WNK2: variants seen among roughly 807,000 people sequenced by gnomAD.
WNK2 encodes serine/threonine-protein kinase WNK2.
WNK2 carries 67 observed loss-of-function variants against 192.1 expected under a neutral mutation model. The ratio of observed to expected loss-of-function variants is 0.35; its 90% CI spans 0.29 to 0.43. The LOEUF is 0.43. WNK2 is among the 20% of genes least tolerant of loss of function. The probability of loss-of-function intolerance (pLI) is 1.00; values close to 1 mark genes in which losing one functional copy is unlikely to be tolerated. For missense variants in WNK2, 2,698 were observed against 3,089.7 expected, an observed-to-expected ratio of 0.87 and a Z score of 3.01; for synonymous variants, 1,439 against 1,393.9, an observed-to-expected ratio of 1.03 and a Z score of -0.72.
In WNK2 at chr9:93,239,660, G is replaced by T; in HGVS notation, c.1323-97G>T. On this transcript the variant is annotated intron_variant, in intron 6 of 29. Coordinates refer to ENST00000427277, the MANE Select transcript of WNK2 (RefSeq NM_006648.4). This position sits in a 1 kb window ranked among gnomAD's most constrained non-coding sequence, Gnocchi z 4.2. ...TGAGGCCTGGCCTCAGGCTCCTGCA[G>T]GTGTGCCTGTCCTTGTCCTGGTGCG... The T allele has an allele frequency of 1.8e-6, 2 of 1,088,464 alleles. No individual in the cohort carries two copies. The highest frequency in any genetic ancestry group is 2.4e-5 in the Admixed American group (1 of 41,542). 67.4% of individuals were successfully genotyped at this position (1,088,464 alleles called of 1,614,324 possible).
chr9:93,256,407 AC>A lies in WNK2; in HGVS notation c.2148del (p.Met717CysfsTer59). The A allele has an allele frequency of 1.9e-6, 3 of 1,544,342 alleles. No homozygotes were observed. Among genetic ancestry groups the A allele is most frequent in the Admixed American group, 1.9e-5 (1 of 52,388 alleles). On this transcript the variant is annotated frameshift_variant, in exon 10 of 30. Coordinates refer to ENST00000427277, the MANE Select transcript of WNK2 (RefSeq NM_006648.4). LOFTEE classifies it high-confidence loss of function. ...SFAPVLPPPSTPMPTGPGQPA... is the reference protein window; with the variant it reads ...SFAPVLPPPSXPMPTGPGQPA... ...CGCCCCCGTGCTGCCGCCGCCCAGC[AC>A]CCCCATGCCCACGGGCCCAGGCCAG...
intron 26 of WNK2, among the ~76,000 whole-genome samples, chr9:93,304,920 T>C (rs930569505): frequency 1.3e-5 from 2 of 152,126 alleles, no homozygotes; most frequent in Non-Finnish European, 2.9e-5. Context: ...GGCCCAAGTT[T>C]AGGAAGGGCC....
intron 2 of WNK2, among the ~76,000 whole-genome samples, chr9:93,213,657 CGCAT>C (rs766936219): frequency 2.0e-5 from 3 of 152,066 alleles, no homozygotes; most frequent in Admixed American, 2.0e-4. Context: ...GGCATGGTGG[CGCAT>C]GCCTGTAATC....
At position 93,297,905 on chromosome 9, in the gene WNK2, G is replaced by T; in HGVS notation, c.5761G>T (p.Ala1921Ser). Reference protein sequence around the residue: ...LQSQQKQEIEALYRRLGKPLP... With the variant: ...LQSQQKQEIESLYRRLGKPLP... ...GAGCCAGCAGAAGCAGGAGATCGAA[G>T]CTCTGTACCGCCGCCTGGGCAAGCC... Residue 1921 changes from alanine (A) to serine (S), a missense_variant, in exon 24 of 30, where the codon GCT becomes TCT. By Grantham distance (99) the Ala-to-Ser change is moderately conservative. Coordinates refer to ENST00000427277, the MANE Select transcript of WNK2 (RefSeq NM_006648.4). 1 of 1,592,650 alleles carries T rather than the reference G, an allele frequency of 6.3e-7. No homozygotes were observed. Among genetic ancestry groups the T allele is most frequent in the Admixed American group, 1.7e-5 (1 of 57,190 alleles).
At chr9:93,213,947 C>G (rs2131609803) in intron 2 of WNK2, among the ~76,000 whole-genome samples, 1 of 152,314 alleles carries the variant, frequency 6.6e-6, no homozygotes, top group Non-Finnish European at 1.5e-5. Flanking sequence ...TCTTCTTACC[C>G]ACCCCTGCTT....
intron 4 of WNK2, 95 bp downstream of exon 4, chr9:93,231,203 C>T: frequency 8.1e-7 from 1 of 1,228,878 alleles, no homozygotes; most frequent in South Asian, 1.3e-5. Context: ...AGACCTGGTG[C>T]AGGAGACCCA....
chr9:93,184,838 C>T (rs1828985816), intron 1 of WNK2, 90 bp from the exon 2 acceptor site: 2 of 1,127,434 alleles, frequency 1.8e-6, no homozygotes, highest in Admixed American at 4.5e-5. Context: ...GGGCAGGTTG[C>T]GGGCTTAGGG....
chr9:93,302,976 C>T (rs1851875594), intron 26 of WNK2, among the ~76,000 whole-genome samples: 2 of 151,926 alleles, frequency 1.3e-5, no homozygotes, highest in South Asian at 4.2e-4. Flanking sequence ...TGGAGTGCAG[C>T]GGCAAGATCT....
chr9:93,255,760 C>G (rs2132731312), intron 9 of WNK2, among the ~76,000 whole-genome samples: 1 of 152,316 alleles, frequency 6.6e-6, no homozygotes, highest in African/African-American at 2.4e-5. Context: ...GAACAAAGCC[C>G]AATTCCATTA....
At chr9:93,209,247 CT>C (rs1304814957) in intron 2 of WNK2, among the ~76,000 whole-genome samples, 7 of 152,178 alleles carry the variant, frequency 4.6e-5, no homozygotes, top group African/African-American at 1.7e-4. Flanking sequence ...TCTCCTGGGG[CT>C]GTACGCCACA....
chr9:93,219,214 C>T (rs1107614), intron 2 of WNK2, among the ~76,000 whole-genome samples: 23,646 of 152,308 alleles, frequency 0.16, 1,909 homozygotes, highest in South Asian at 0.28. Context: ...CTTTCTGAGC[C>T]GTTTCCCCTA....
intron 29 of WNK2, chr9:93,319,182 A>G: frequency 6.2e-7 from 1 of 1,613,696 alleles, no homozygotes; most frequent in Non-Finnish European, 8.5e-7. Flanking sequence ...TATCTGAAGG[A>G]GAAAAATAAA....
chr9:93,209,643 C>T (rs940408750), intron 2 of WNK2, among the ~76,000 whole-genome samples: 2 of 152,132 alleles, frequency 1.3e-5, no homozygotes, highest in African/African-American at 4.8e-5. Flanking sequence ...CAGGGCTGTG[C>T]TTGGGTGGAA....
intron 2 of WNK2, among the ~76,000 whole-genome samples, chr9:93,192,040 G>T (rs542268151): frequency 6.6e-6 from 1 of 151,020 alleles, no homozygotes; most frequent in South Asian, 2.1e-4. Flanking sequence ...AAAAGGCCAG[G>T]CGTGGTGGCT....
In WNK2 at chr9:93,211,871, C is replaced by T. The variant is rs1024941803; in HGVS notation, c.682-17825C>T. On this transcript the variant is annotated intron_variant, in intron 2 of 29. Coordinates refer to ENST00000427277, the MANE Select transcript of WNK2 (RefSeq NM_006648.4). ...ACACATTCCCTCACTCATACATTCACTCATTCACACACTCACACATTTACT... is the reference window on the plus strand; with the variant it reads ...ACACATTCCCTCACTCATACATTCATTCATTCACACACTCACACATTTACT... Among the ~76,000 whole-genome samples, 4 of 150,928 alleles carry T rather than the reference C, an allele frequency of 2.7e-5. No homozygotes were observed. In the South Asian group the frequency reaches 8.3e-4, roughly 31 times the overall value.
At chr9:93,281,369 A>C in intron 19 of WNK2, among the ~76,000 whole-genome samples, 1 of 62,912 alleles carries the variant, frequency 1.6e-5, no homozygotes, top group East Asian at 0.026. Context: ...ATTAGAAACT[A>C]TGCCAAAAAA....
intron 28 of WNK2, among the ~76,000 whole-genome samples, chr9:93,314,521 T>C (rs918837506): frequency 2.0e-5 from 3 of 152,178 alleles, no homozygotes; most frequent in African/African-American, 7.2e-5. Context: ...CACGCTTTTT[T>C]CTTAACACAA....
chr9:93,308,726 A>G (rs919688293), intron 28 of WNK2, 142 bp downstream of exon 28: 35 of 1,380,424 alleles, frequency 2.5e-5, no homozygotes, highest in Non-Finnish European at 3.1e-5. Context: ...CACAGCCCCA[A>G]GAACTAGGCT....
intron 7 of WNK2, among the ~76,000 whole-genome samples, chr9:93,245,438 TG>T (rs1390096199): frequency 6.6e-6 from 1 of 152,162 alleles, no homozygotes; most frequent in African/African-American, 2.4e-5. Context: ...TGGCCCTCTG[TG>T]GGTGGGTCAC....
Sources: gnomAD v4.1 joint callset for allele counts (sites outside exome capture counted in the v4.1 genomes callset) on GRCh38, gnomAD v4.1.1 for gene constraint, Gnocchi (gnomAD v3.1) non-coding constraint, MANE v1.5 for transcripts, NCBI Gene and HGNC (gene_info 2026-07-23, HGNC 2026-07-21) for gene names.